Variants in ERGIC1 observed in about 807,000 individuals in gnomAD.
ERGIC1 encodes the protein endoplasmic reticulum-Golgi intermediate compartment protein 1.
A neutral mutation model predicts 38.3 loss-of-function variants in ERGIC1; 19 were observed. The ratio of observed to expected loss-of-function variants is 0.50; its 90% confidence interval spans 0.35 to 0.73. ERGIC1 has a LOEUF of 0.73. Ranked by LOEUF, ERGIC1 falls within the 30% of genes least tolerant of loss-of-function variation. The pLI is 0.01. For missense variants in ERGIC1, 294 were observed against 389.2 expected (o/e 0.76, Z 2.06); for synonymous variants, 124 against 157.6 (o/e 0.79, Z 1.60).
chr5:172,908,355 G>GGGGGGGGGTGC (rs1438395126), intron 3 of ERGIC1, among the ~76,000 whole-genome samples: 1 of 63,946 alleles, frequency 1.6e-5, no homozygotes, highest in Non-Finnish European at 2.9e-5. Context: ...GGGGGGGGTG[G>GGGGGGGGGTGC]ATCATGAGGT....
At chr5:172,921,400 A>G (rs1763516279) in intron 5 of ERGIC1, 1 of 152,234 alleles carries the variant, frequency 6.6e-6, no homozygotes, top group African/African-American at 2.4e-5. Flanking sequence ...AGCTCGCTCC[A>G]CTGCGAGTTT....
chr5:172,850,804 C>G (rs934049540), intron 1 of ERGIC1, among the ~76,000 whole-genome samples: 14 of 152,156 alleles, frequency 9.2e-5, no homozygotes, highest in African/African-American at 2.4e-4. Flanking sequence ...CTGGTGGCAT[C>G]AGAGGTTGAG....
chr5:172,844,473 A>G (rs1022278478), intron 1 of ERGIC1, among the ~76,000 whole-genome samples: 43 of 152,252 alleles, frequency 2.8e-4, no homozygotes, highest in African/African-American at 9.4e-4. Context: ...ACGATAGCCT[A>G]TGACAGGCAG....
intron 5 of ERGIC1, among the ~76,000 whole-genome samples, chr5:172,923,757 C>T (rs1369673274): frequency 6.6e-6 from 1 of 152,226 alleles, no homozygotes; most frequent in Non-Finnish European, 1.5e-5. Flanking sequence ...ACTTCACATG[C>T]ACCCTCTCAC....
chr5:172,890,478 T>A (rs1762530677), intron 2 of ERGIC1, among the ~76,000 whole-genome samples: 1 of 152,234 alleles, frequency 6.6e-6, no homozygotes, highest in Non-Finnish European at 1.5e-5. Flanking sequence ...CAATTCTTCA[T>A]TTTGACAAAT....
chr5:172,844,120 G>T (rs952646106), intron 1 of ERGIC1, among the ~76,000 whole-genome samples: 2 of 152,216 alleles, frequency 1.3e-5, no homozygotes, highest in African/African-American at 4.8e-5. Flanking sequence ...GAGATGGTCA[G>T]ACCCAGAGTT....
chr5:172,893,935 G>GTGTGTGTGTGTGTGTATATATATA lies in ERGIC1; in HGVS notation c.83-3066_83-3065insGTGTGTGTGTGTGTATATATATAT, dbSNP rs1429850022. Among the ~76,000 whole-genome samples the GTGTGTGTGTGTGTGTATATATATA allele has an allele frequency of 1.2e-3, 50 of 42,802 alleles. 1 individual carries two copies. The highest frequency in any genetic ancestry group is 2.0e-3 in the Non-Finnish European group (44 of 21,740). The allele number at this position is 42,802 out of a possible 152,430, so 28.1% of individuals were successfully genotyped here. A position where few individuals can be genotyped will look rare whatever the true frequency, so the allele number is the denominator to read the frequency against. ...TGTGTGTGTGTGTGTGTGTGTGTGT[G>GTGTGTGTGTGTGTGTATATATATA]TATATATATATATATATATTTAAAT... is the stretch of plus-strand genomic sequence containing the variant. On this transcript the variant is annotated intron_variant, in intron 2 of 9. Coordinates refer to ENST00000393784, the MANE Select transcript of ERGIC1 (RefSeq NM_001031711.3).
chr5:172,847,160 G>T (rs1285157796), intron 1 of ERGIC1, among the ~76,000 whole-genome samples: 1 of 152,136 alleles, frequency 6.6e-6, no homozygotes, highest in Admixed American at 6.6e-5. Flanking sequence ...GCGTCTTCTG[G>T]CTCTGTCCTC....
intron 5 of ERGIC1, among the ~76,000 whole-genome samples, chr5:172,921,872 C>T (rs535878658): frequency 1.3e-5 from 2 of 152,276 alleles, no homozygotes; most frequent in Non-Finnish European, 2.9e-5. Context: ...AATGCAGACT[C>T]ATCTTCAGAG....
At chr5:172,921,332 G>T in intron 5 of ERGIC1, among the ~76,000 whole-genome samples, 1 of 152,318 alleles carries the variant, frequency 6.6e-6, no homozygotes, top group East Asian at 1.9e-4. Flanking sequence ...ATCTTGCCAC[G>T]CCTTTGTTTC....
chr5:172,855,332 G>C (rs532910620), intron 1 of ERGIC1, among the ~76,000 whole-genome samples: 10 of 152,288 alleles, frequency 6.6e-5, no homozygotes, highest in South Asian at 4.1e-4. Flanking sequence ...CCTCTCTGCT[G>C]GGGGCTCCAC....
intron 5 of ERGIC1, chr5:172,920,450 C>T: frequency 1.4e-6 from 1 of 717,760 alleles, no homozygotes. Flanking sequence ...GACCTCGTTT[C>T]ATCAGCCAGC....
At chr5:172,869,286 C>T (rs1761945374) in intron 1 of ERGIC1, among the ~76,000 whole-genome samples, 2 of 152,252 alleles carry the variant, frequency 1.3e-5, no homozygotes, top group South Asian at 4.1e-4. Context: ...GCTGGCCTCA[C>T]CCCTGCCAGG....
intron 4 of ERGIC1, among the ~76,000 whole-genome samples, chr5:172,913,036 T>TG (rs1377520939): frequency 6.7e-6 from 1 of 150,020 alleles, no homozygotes; most frequent in African/African-American, 2.5e-5. Context: ...CCCAAAGTGC[T>TG]GCGATTACCG....
Position 172,851,717 on chromosome 5 carries a change from T to C in ERGIC1, c.20+17284T>C, listed in dbSNP as rs73803640. 8.3e-3 allele frequency among the ~76,000 whole-genome samples: 1,267 copies of C among 152,058 alleles called. 21 individuals carry two copies. The highest frequency in any genetic ancestry group is 0.029 in the African/African-American group (1,211 of 41,454). The stretch of plus-strand genomic sequence containing the variant: ...GGTGCCCGAGGACCCCTCTGAGACA[T>C]GAGGACAGTCTTCCAGTGTGACTGA... On this transcript the variant is annotated intron_variant, in intron 1 of 9. Coordinates refer to ENST00000393784, the MANE Select transcript of ERGIC1 (RefSeq NM_001031711.3).
At chr5:172,872,644 G>A (rs1762045533) in intron 1 of ERGIC1, among the ~76,000 whole-genome samples, 1 of 152,060 alleles carries the variant, frequency 6.6e-6, no homozygotes, top group Non-Finnish European at 1.5e-5. Context: ...ATGAAACCCT[G>A]CCTCTAGTAA....
chr5:172,887,064 C>T (rs1366227997), intron 1 of ERGIC1, among the ~76,000 whole-genome samples: 2 of 152,152 alleles, frequency 1.3e-5, no homozygotes, highest in African/African-American at 4.8e-5. Flanking sequence ...AATTTTTCTC[C>T]CCTGAGGTCT....
intron 1 of ERGIC1, among the ~76,000 whole-genome samples, chr5:172,888,137 G>A (rs538922156): frequency 1.3e-5 from 2 of 152,178 alleles, no homozygotes; most frequent in African/African-American, 2.4e-5. Context: ...CCCTGCTCTC[G>A]CAGAAGTTAC....
At chr5:172,864,268 CTTTTTT>C (rs60390189) in intron 1 of ERGIC1, among the ~76,000 whole-genome samples, 9 of 71,160 alleles carry the variant, frequency 1.3e-4, no homozygotes, top group Non-Finnish European at 2.2e-4. Context: ...ATTTTGTAGT[CTTTTTT>C]TTTTTTTTTT....
Sources: gnomAD v4.1 joint callset for allele counts (sites outside exome capture counted in the v4.1 genomes callset) on GRCh38, gnomAD v4.1.1 for gene constraint, MANE v1.5 for transcripts, NCBI Gene and HGNC (gene_info 2026-07-23, HGNC 2026-07-21) for gene names.